Variants in TTC28 observed in about 807,000 individuals in gnomAD.
The protein encoded by TTC28 is tetratricopeptide repeat domain 28.
Under a neutral mutation model 198.0 loss-of-function variants are expected in TTC28, and 61 were observed. The observed-to-expected ratio is 0.31, with a 90% CI of 0.25 to 0.38. TTC28 has a LOEUF of 0.38. Among genes scored for constraint, TTC28 ranks in the 10% least tolerant of loss-of-function variants. The pLI is 1.00. For synonymous variants in TTC28, 1,171 were observed against 1,297.8 expected (o/e 0.90, Z 2.10); for missense variants, 2,678 against 3,164.0 (o/e 0.85, Z 3.69).
intron 2 of TTC28, among the ~76,000 whole-genome samples, chr22:28,330,882 T>C (rs1167260916): frequency 6.6e-6 from 1 of 152,138 alleles, no homozygotes; most frequent in Non-Finnish European, 1.5e-5. Flanking sequence ...TTAATGTGGG[T>C]CTTCCCCAGC....
intron 12 of TTC28, among the ~76,000 whole-genome samples, chr22:28,055,577 G>A (rs1940254619): frequency 6.6e-6 from 1 of 152,120 alleles, no homozygotes; most frequent in Admixed American, 6.6e-5. Flanking sequence ...GAATCTCCCA[G>A]ACACTATTTA....
chr22:28,276,200 ACGAGGTTT>A (rs1932414299), intron 5 of TTC28, among the ~76,000 whole-genome samples: 1 of 151,832 alleles, frequency 6.6e-6, no homozygotes, highest in South Asian at 2.1e-4. Context: ...TTTTGTAGAC[ACGAGGTTT>A]CGCCATGTTG....
intron 12 of TTC28, among the ~76,000 whole-genome samples, chr22:28,048,558 G>A (rs1359490143): frequency 6.6e-6 from 1 of 152,160 alleles, no homozygotes; most frequent in African/African-American, 2.4e-5. Flanking sequence ...GTGGCATTAA[G>A]ATAAAAGACA....
chr22:27,995,204 G>A (rs1937530654), intron 17 of TTC28, among the ~76,000 whole-genome samples: 3 of 152,140 alleles, frequency 2.0e-5, no homozygotes, highest in African/African-American at 4.8e-5. Flanking sequence ...AGGCTGCATC[G>A]ACGCTGCCCC....
intron 5 of TTC28, among the ~76,000 whole-genome samples, chr22:28,265,324 T>A (rs1284266374): frequency 6.6e-6 from 1 of 152,208 alleles, no homozygotes; most frequent in Non-Finnish European, 1.5e-5. Flanking sequence ...ATTACAGTTT[T>A]TCAAATGGTT....
At chr22:28,473,298 A>G (rs1217717644) in intron 2 of TTC28, among the ~76,000 whole-genome samples, 1 of 152,198 alleles carries the variant, frequency 6.6e-6, no homozygotes, top group Non-Finnish European at 1.5e-5. Flanking sequence ...ATGCCTTTAA[A>G]GAGAATTAAT....
intron 12 of TTC28, among the ~76,000 whole-genome samples, chr22:28,079,952 C>A (rs1941288109): frequency 6.6e-6 from 1 of 152,204 alleles, no homozygotes; most frequent in African/African-American, 2.4e-5. Context: ...AAGTCAGGAA[C>A]TCATGGGCTC....
chr22:28,584,744 T>C (rs2050288446), intron 2 of TTC28, among the ~76,000 whole-genome samples: 1 of 152,218 alleles, frequency 6.6e-6, no homozygotes, highest in African/African-American at 2.4e-5. Context: ...TTGCAGGTGA[T>C]GGAGAGTTAC....
At chr22:28,377,247 T>A (rs2046426447) in intron 2 of TTC28, among the ~76,000 whole-genome samples, 2 of 142,742 alleles carry the variant, frequency 1.4e-5, no homozygotes, top group East Asian at 2.0e-4. Flanking sequence ...GGACATAATA[T>A]ATTCTAAAGT....
rs1354590224 is a variant in TTC28 at position 28,625,720 on chromosome 22, T to C, written c.381+3832A>G. Reference sequence around the variant, plus strand: ...CAACTTATATAAAAATGCAAAAATATAGAATAGCCAAAACAACTTAGAAAA... The same window carrying C: ...CAACTTATATAAAAATGCAAAAATACAGAATAGCCAAAACAACTTAGAAAA... On this transcript the variant is annotated intron_variant, in intron 2 of 22. Coordinates refer to ENST00000397906, the MANE Select transcript of TTC28 (RefSeq NM_001145418.2). 5.9e-5 allele frequency among the ~76,000 whole-genome samples: 9 copies of C among 152,212 alleles called. No homozygotes were observed. The East Asian group carries it at 7.7e-4, about 13-fold the overall frequency.
chr22:28,265,404 C>A (rs1398338803), intron 5 of TTC28, among the ~76,000 whole-genome samples: 1 of 152,136 alleles, frequency 6.6e-6, no homozygotes, highest in Non-Finnish European at 1.5e-5. Flanking sequence ...GAGGTAGGTA[C>A]CAGACCACCA....
At chr22:28,132,133 G>C (rs1213069723) in intron 6 of TTC28, among the ~76,000 whole-genome samples, 1 of 152,146 alleles carries the variant, frequency 6.6e-6, no homozygotes, top group Non-Finnish European at 1.5e-5. Context: ...GAAGGAATGA[G>C]AAGATACAAG....
intron 5 of TTC28, among the ~76,000 whole-genome samples, chr22:28,273,161 T>G (rs567768401): frequency 6.5e-4 from 99 of 152,282 alleles, no homozygotes; most frequent in African/African-American, 2.2e-3. Flanking sequence ...ACTCCTACTC[T>G]AAATATCTGC....
rs912510344 is a variant in TTC28, at chr22:28,577,813, G to C, written c.381+51739C>G. On this transcript the variant is annotated intron_variant, in intron 2 of 22. Transcript: ENST00000397906. Reference sequence around the variant, plus strand: ...GCTCTTTTTTGGTTTCCATTTGCATGGAGTATCTTTTTCCATCCCTTTATT... The same window carrying C: ...GCTCTTTTTTGGTTTCCATTTGCATCGAGTATCTTTTTCCATCCCTTTATT... Among the ~76,000 whole-genome samples the C allele has an allele frequency of 2.0e-5, 3 of 151,990 alleles. No homozygotes were observed. In the East Asian group the frequency reaches 5.8e-4, roughly 29 times the overall value.
intron 12 of TTC28, among the ~76,000 whole-genome samples, chr22:28,084,070 G>C (rs1162952933): frequency 6.6e-6 from 1 of 152,206 alleles, no homozygotes; most frequent in Non-Finnish European, 1.5e-5. Context: ...GCCTCTGTAG[G>C]CTCCACCTCT....
intron 12 of TTC28, among the ~76,000 whole-genome samples, chr22:28,085,751 T>C (rs1476544669): frequency 6.6e-6 from 1 of 152,074 alleles, no homozygotes; most frequent in Non-Finnish European, 1.5e-5. Context: ...ATCAGTGTGC[T>C]GTATTCAGGA....
At chr22:28,504,770 G>C (rs2146376558) in intron 2 of TTC28, among the ~76,000 whole-genome samples, 1 of 152,002 alleles carries the variant, frequency 6.6e-6, no homozygotes, top group East Asian at 1.9e-4. Context: ...ACACTTTCTT[G>C]ATATAATGTC....
chr22:28,318,696 G>A (rs2045393462), intron 2 of TTC28, among the ~76,000 whole-genome samples: 1 of 151,938 alleles, frequency 6.6e-6, no homozygotes, highest in African/African-American at 2.4e-5. Flanking sequence ...GTATTGAGAG[G>A]CAGTCATTTT....
At chr22:28,074,392 C>A (rs946019856) in intron 12 of TTC28, among the ~76,000 whole-genome samples, 10 of 152,216 alleles carry the variant, frequency 6.6e-5, no homozygotes, top group Non-Finnish European at 1.2e-4. Context: ...GACTGAATGT[C>A]TGAATTAATC....
Sources: allele counts gnomAD v4.1 joint callset (sites outside exome capture counted in the v4.1 genomes callset), GRCh38; gene constraint gnomAD v4.1.1; transcripts MANE v1.5; gene names NCBI Gene and HGNC (gene_info 2026-07-23, HGNC 2026-07-21).